The following EMILIN2 variants were observed in gnomAD, a reference collection of about 807,000 sequenced individuals.
The protein encoded by EMILIN2 is EMILIN-2.
EMILIN2 carries 71 observed loss-of-function variants against 87.1 expected under a neutral mutation model. The ratio of observed to expected loss-of-function variants is 0.82; its 90% CI spans 0.67 to 0.99. EMILIN2 has a LOEUF of 0.99. Among genes scored for constraint, EMILIN2 ranks in the 50% least tolerant of loss-of-function variants. The pLI, the probability that EMILIN2 is intolerant of heterozygous loss-of-function variation, is 0.00. For missense variants in EMILIN2, 1,407 were observed against 1,371.8 expected, an observed-to-expected ratio of 1.03 and a Z score of -0.40; for synonymous variants, 581 against 563.4, an observed-to-expected ratio of 1.03 and a Z score of -0.44.
At position 2,913,559 on chromosome 18, in the gene EMILIN2, A is replaced by C; in HGVS notation, c.*155A>C. ...CTCGCTGTTGAGGCCACCATGCCTTACTGCATCCAGCCAGGCTGCAGGGAG... is the reference window on the plus strand; with the variant it reads ...CTCGCTGTTGAGGCCACCATGCCTTCCTGCATCCAGCCAGGCTGCAGGGAG... On this transcript the variant is annotated 3_prime_UTR_variant, in exon 8 of 8. Coordinates refer to ENST00000254528, the MANE Select transcript of EMILIN2 (RefSeq NM_032048.3). The C allele has an allele frequency of 1.6e-6, 1 of 619,880 alleles. No homozygotes were observed. The highest frequency in any genetic ancestry group is 2.7e-6 in the Non-Finnish European group (1 of 364,164). 38.4% of individuals were successfully genotyped at this position (619,880 alleles called of 1,614,324 possible). A position where few individuals can be genotyped will look rare whatever the true frequency, so the allele number is the denominator to read the frequency against.
chr18:2,847,951 A>T lies in EMILIN2; in HGVS notation c.257+20A>T. 1 of 1,522,380 alleles carries T rather than the reference A, an allele frequency of 6.6e-7. No homozygotes were observed. Among genetic ancestry groups the T allele is most frequent in the Non-Finnish European group, 8.9e-7 (1 of 1,126,512 alleles). The allele number at this position is 1,522,380 out of a possible 1,614,324, so 94.3% of individuals were successfully genotyped here. A position where few individuals can be genotyped will look rare whatever the true frequency, so the allele number is the denominator to read the frequency against. ...GCTGGTGTAAGTCCTGGAGCCGGGG[A>T]GCGGGCGGGGCGCGCCCGGGCCGGG... On this transcript the variant is annotated intron_variant, in intron 2 of 7. Transcript: ENST00000254528. This position sits in a 1 kb window ranked among gnomAD's most constrained non-coding sequence, Gnocchi z 4.5.
At chr18:2,901,808 C>T (rs369861774) in intron 4 of EMILIN2, among the ~76,000 whole-genome samples, 19 of 152,212 alleles carry the variant, frequency 1.2e-4, no homozygotes, top group Non-Finnish European at 2.5e-4. Flanking sequence ...TAAATGTGTG[C>T]GTTCGGCACC....
At chr18:2,900,340 A>G (rs2076883087) in intron 4 of EMILIN2, among the ~76,000 whole-genome samples, 1 of 152,136 alleles carries the variant, frequency 6.6e-6, no homozygotes, top group South Asian at 2.1e-4. Context: ...AGCACACATT[A>G]CCATGCCCAG....
In EMILIN2 at chr18:2,873,049, TAAAA is replaced by T. The variant is rs954467493; in HGVS notation, c.258-11906_258-11903del. Among the ~76,000 whole-genome samples the T allele has an allele frequency of 1.8e-3, 236 of 131,478 alleles. 2 individuals are homozygous for T. The highest frequency in any genetic ancestry group is 3.0e-3 in the Non-Finnish European group (189 of 63,316). 86.3% of individuals were successfully genotyped at this position (131,478 alleles called of 152,430 possible). A position where few individuals can be genotyped will look rare whatever the true frequency, so the allele number is the denominator to read the frequency against. The stretch of plus-strand genomic sequence containing the variant: ...ACAAAATAATGCAGATTATGTGATT[TAAAA>T]AAAAAAAACAAAACCAAAAACTTAA... On this transcript the variant is annotated intron_variant, in intron 2 of 7. Coordinates refer to ENST00000254528, the MANE Select transcript of EMILIN2 (RefSeq NM_032048.3).
Position 2,908,976 on chromosome 18 carries a change from G to A in EMILIN2, c.2695+1G>A, listed in dbSNP as rs1296732629. ...AAGTCACCTCCTGTAGCTTCCCCAG[G>A]TATGTCTGCTGAGAGACCAGGAGCA... On this transcript the variant is annotated splice_donor_variant, in intron 6 of 7. Transcript: ENST00000254528. LOFTEE classifies it high-confidence loss of function. 4 of 1,613,226 alleles carry A rather than the reference G, an allele frequency of 2.5e-6. No homozygotes were observed.
chr18:2,910,351 C>A (rs985459013), intron 7 of EMILIN2, among the ~76,000 whole-genome samples: 3 of 152,214 alleles, frequency 2.0e-5, no homozygotes, highest in African/African-American at 7.2e-5. Flanking sequence ...CTTTCTGCAG[C>A]GCCTGGCGTG....
At position 2,909,809 on chromosome 18, in the gene EMILIN2, C is replaced by T. The variant is rs780859506; in HGVS notation, c.2814C>T (p.Asn938=). 1.2e-6 allele frequency: 2 copies of T among 1,613,434 alleles called. No individual in the cohort carries two copies. Among genetic ancestry groups the T allele is most frequent in the East Asian group, 2.2e-5 (1 of 44,780 alleles). The change falls in exon 7 of 8, where the codon AAC becomes AAT. Residue 938 remains asparagine, a synonymous_variant. Transcript: ENST00000254528. ...TGGTGAACGACGGGGATGTTTACAACCCCAGCACCGGTGAGTGTTTGAACG... is the reference window on the plus strand; with the variant it reads ...TGGTGAACGACGGGGATGTTTACAATCCCAGCACCGGTGAGTGTTTGAACG... The part of the protein sequence containing the change: ...KVLVNDGDVY[N]PSTGVFTAPY...
intron 2 of EMILIN2, among the ~76,000 whole-genome samples, chr18:2,884,035 A>G (rs1362329512): frequency 6.6e-6 from 1 of 151,966 alleles, no homozygotes; most frequent in Non-Finnish European, 1.5e-5. Context: ...GGCTCACTGC[A>G]AGCTCCACCT....
In EMILIN2 at chr18:2,913,638, C is replaced by CTTTT; in HGVS notation, c.*235_*236insTTTT. On this transcript the variant is annotated 3_prime_UTR_variant, in exon 8 of 8. Transcript: ENST00000254528. ...CTTTTCTGCCACTCTAACTGGACAA[C>CTTTT]TGGAAGACTTGGAAAGGCCTCCACC... 8.2e-5 allele frequency: 41 copies of CTTTT among 501,944 alleles called. No individual in the cohort carries two copies. Among genetic ancestry groups the CTTTT allele is most frequent in the South Asian group, 3.7e-4 (14 of 37,482 alleles). The allele number at this position is 501,944 out of a possible 1,614,324, so 31.1% of individuals were successfully genotyped here.
At chr18:2,869,784 GTT>G (rs1491190312) in intron 2 of EMILIN2, among the ~76,000 whole-genome samples, 971 of 42,098 alleles carry the variant, frequency 0.023, 14 homozygotes, top group African/African-American at 0.079. Context: ...GTGTGTGTGT[GTT>G]TGTGTGTGTG....
intron 2 of EMILIN2, among the ~76,000 whole-genome samples, chr18:2,883,646 GTC>G (rs1159087399): frequency 3.3e-5 from 5 of 152,234 alleles, no homozygotes; most frequent in Non-Finnish European, 7.3e-5. Flanking sequence ...GGCTGTCAAA[GTC>G]TGTTGTGGGC....
At chr18:2,865,616 C>G (rs1482781031) in intron 2 of EMILIN2, among the ~76,000 whole-genome samples, 1 of 152,172 alleles carries the variant, frequency 6.6e-6, no homozygotes, top group Admixed American at 6.5e-5. Context: ...GTGAGTCTGC[C>G]CCTACTGGGG....
chr18:2,884,953 T>C lies in EMILIN2; in HGVS notation c.258-11T>C. 6.4e-7 allele frequency: 1 copy of C among 1,574,708 alleles called. No homozygotes were observed. The highest frequency in any genetic ancestry group is 8.6e-7 in the Non-Finnish European group (1 of 1,158,294). On this transcript the variant is annotated splice_polypyrimidine_tract_variant and intron_variant, in intron 2 of 7. Coordinates refer to ENST00000254528, the MANE Select transcript of EMILIN2 (RefSeq NM_032048.3). ...GCCAGTAAAGAGAGATGCCATCCCTTCTGTCCACAGGTATCGAGTGAACTT... is the reference window on the plus strand; with the variant it reads ...GCCAGTAAAGAGAGATGCCATCCCTCCTGTCCACAGGTATCGAGTGAACTT...
chr18:2,861,237 A>G (rs1282542000), intron 2 of EMILIN2, among the ~76,000 whole-genome samples: 2 of 152,176 alleles, frequency 1.3e-5, no homozygotes, highest in African/African-American at 4.8e-5. Context: ...CTTTAGTTTA[A>G]TTAAATCCCA....
Position 2,899,030 on chromosome 18 carries a change from C to T in EMILIN2, c.2359+6544C>T, listed in dbSNP as rs75848899. On this transcript the variant is annotated intron_variant, in intron 4 of 7. Coordinates refer to ENST00000254528, the MANE Select transcript of EMILIN2 (RefSeq NM_032048.3). ...GCCTTGAACTTAGAGCTGCAGTGTT[C>T]GGAGAATGGAGCTTTCCCAGAGCTG... Among the ~76,000 whole-genome samples, 329 of 152,024 alleles carry T rather than the reference C, an allele frequency of 2.2e-3. 11 individuals are homozygous for T. The East Asian group carries it at 0.05, about 23-fold the overall frequency.
intron 4 of EMILIN2, among the ~76,000 whole-genome samples, chr18:2,905,962 G>C (rs1252267208): frequency 6.6e-6 from 1 of 152,086 alleles, no homozygotes; most frequent in Admixed American, 6.6e-5. Flanking sequence ...ACGGCAGGTC[G>C]GGAGGCAGCC....
At chr18:2,869,786 TTGTGTGTGTGTGTGTG>T (rs777623155) in intron 2 of EMILIN2, among the ~76,000 whole-genome samples, 7 of 59,068 alleles carry the variant, frequency 1.2e-4, no homozygotes, top group Non-Finnish European at 2.7e-4. Context: ...GTGTGTGTGT[TTGTGTGTGTGTGTGTG>T]TGTGTGTGTG....
intron 3 of EMILIN2, among the ~76,000 whole-genome samples, chr18:2,885,765 A>G (rs1020743726): frequency 6.6e-6 from 1 of 151,902 alleles, no homozygotes; most frequent in Non-Finnish European, 1.5e-5. Context: ...TGATCTGCCC[A>G]CCTCGGCCTC....
rs887821060 is a variant in EMILIN2, at chr18:2,906,929, C to T, written c.2506C>T (p.Pro836Ser). ...LPQRPPEERP[P>S]QPPGSTGVIA... Reference sequence around the variant, plus strand: ...CCAGCGGCCCCCCGAGGAGAGGCCGCCCCAGCCGCCAGGCTCCACCGGGGT... The same window carrying T: ...CCAGCGGCCCCCCGAGGAGAGGCCGTCCCAGCCGCCAGGCTCCACCGGGGT... Residue 836 changes from proline (P) to serine (S), a missense_variant, in exon 5 of 8, where the codon CCC becomes TCC. Pro to Ser is a moderately conservative substitution (Grantham distance 74). Coordinates refer to ENST00000254528, the MANE Select transcript of EMILIN2 (RefSeq NM_032048.3). The T allele has an allele frequency of 2.1e-6, 3 of 1,397,478 alleles. No homozygotes were observed. Among genetic ancestry groups the T allele is most frequent in the East Asian group, 3.1e-5 (1 of 31,774 alleles). The allele number at this position is 1,397,478 out of a possible 1,614,324, so 86.6% of individuals were successfully genotyped here. A position where few individuals can be genotyped will look rare whatever the true frequency, so the allele number is the denominator to read the frequency against.
Sources: allele counts gnomAD v4.1 joint callset (sites outside exome capture counted in the v4.1 genomes callset), GRCh38; gene constraint gnomAD v4.1.1; non-coding constraint Gnocchi (gnomAD v3.1); transcripts MANE v1.5; gene names NCBI Gene and HGNC (gene_info 2026-07-23, HGNC 2026-07-21).